HECW2: variants seen among roughly 807,000 people sequenced by gnomAD.
The protein encoded by HECW2 is E3 ubiquitin-protein ligase HECW2.
HECW2 carries 61 observed loss-of-function variants against 175.2 expected under a neutral mutation model. The ratio of observed to expected loss-of-function variants is 0.35; its 90% CI spans 0.28 to 0.43. The LOEUF (loss-of-function observed/expected upper bound fraction) is 0.43, where lower values mean the gene tolerates loss of function less well. Ranked by LOEUF, HECW2 falls within the 20% of genes least tolerant of loss-of-function variation. The pLI, the probability that HECW2 is intolerant of heterozygous loss-of-function variation, is 1.00. For missense variants in HECW2, 1,524 were observed against 2,000.5 expected (o/e 0.76, Z 4.54); for synonymous variants, 671 against 731.0 (o/e 0.92, Z 1.32).
intron 4 of HECW2, among the ~76,000 whole-genome samples, chr2:196,333,778 A>C (rs934534717): frequency 6.6e-6 from 1 of 152,352 alleles, no homozygotes; most frequent in Admixed American, 6.5e-5. Context: ...CTTTCTTTCA[A>C]AAGTCCAACA....
chr2:196,474,180 A>G (rs2125358053), intron 1 of HECW2, among the ~76,000 whole-genome samples: 1 of 152,394 alleles, frequency 6.6e-6, no homozygotes, highest in South Asian at 2.1e-4. Flanking sequence ...AATAGCATTC[A>G]TAATAAACAG....
intron 4 of HECW2, among the ~76,000 whole-genome samples, chr2:196,330,503 T>A (rs1455052316): frequency 3.3e-5 from 5 of 152,254 alleles, no homozygotes; most frequent in Non-Finnish European, 5.9e-5. Flanking sequence ...CAAACTTTAC[T>A]CAGGCTCTTT....
intron 2 of HECW2, among the ~76,000 whole-genome samples, chr2:196,398,142 A>G (rs78188714): frequency 1.3e-3 from 3 of 2,332 alleles, no homozygotes; most frequent in African/African-American, 1.6e-3. Context: ...GAGTTAGGGG[A>G]AAATGGCCTG....
intron 14 of HECW2, among the ~76,000 whole-genome samples, chr2:196,280,604 C>G (rs1405448502): frequency 6.6e-6 from 1 of 152,184 alleles, no homozygotes; most frequent in Non-Finnish European, 1.5e-5. Context: ...TTGTCATCAG[C>G]CTCACATCCT....
intron 3 of HECW2, among the ~76,000 whole-genome samples, chr2:196,334,795 A>G (rs1692490978): frequency 6.6e-6 from 1 of 152,246 alleles, no homozygotes; most frequent in Non-Finnish European, 1.5e-5. Flanking sequence ...ACTAGCTGGC[A>G]TTTATTGAGG....
At chr2:196,208,753 A>G (rs921882357) in intron 28 of HECW2, among the ~76,000 whole-genome samples, 1 of 152,186 alleles carries the variant, frequency 6.6e-6, no homozygotes, top group African/African-American at 2.4e-5. Context: ...GAATACACAG[A>G]AGGAGGCTGG....
intron 1 of HECW2, among the ~76,000 whole-genome samples, chr2:196,488,709 T>A (rs1687093649): frequency 6.6e-6 from 1 of 151,920 alleles, no homozygotes; most frequent in African/African-American, 2.4e-5. Context: ...AGGAATAAAA[T>A]TTATCCAAAA....
intron 2 of HECW2, among the ~76,000 whole-genome samples, chr2:196,394,966 T>G (rs758288756): frequency 4.6e-5 from 7 of 152,186 alleles, no homozygotes; most frequent in Non-Finnish European, 8.8e-5. Flanking sequence ...AGGGCCTGCT[T>G]CCTCATAAAT....
chr2:196,362,156 T>C (rs934810813), intron 2 of HECW2: 6 of 985,334 alleles, frequency 6.1e-6, no homozygotes, highest in Non-Finnish European at 7.2e-6. Context: ...TCAAGACTTA[T>C]CACTGTCCAG....
intron 1 of HECW2, among the ~76,000 whole-genome samples, chr2:196,511,096 G>C (rs1157874018): frequency 6.6e-6 from 1 of 152,158 alleles, no homozygotes; most frequent in African/African-American, 2.4e-5. Context: ...CTCCCAAGTA[G>C]CTGGGATTAC....
intron 1 of HECW2, among the ~76,000 whole-genome samples, chr2:196,576,475 C>CA (rs1195880374): frequency 2.0e-5 from 3 of 152,144 alleles, no homozygotes; most frequent in African/African-American, 7.2e-5. Context: ...ACAAGTACTG[C>CA]ATGATCTCAC....
Position 196,292,559 on chromosome 2 carries a change from T to C in HECW2, c.3000+6A>G, listed in dbSNP as rs751267848. On this transcript the variant is annotated splice_donor_region_variant and intron_variant, in intron 14 of 28. Transcript: ENST00000644978. ...GGCACTCCCTGAGGCATCTCCCTCG[T>C]GTTACCTTGCCCTGGTGATCATGTT... 1 of 1,609,724 alleles carries C rather than the reference T, an allele frequency of 6.2e-7. No individual in the cohort carries two copies. The highest frequency in any genetic ancestry group is 8.5e-7 in the Non-Finnish European group (1 of 1,177,086).
intron 1 of HECW2, among the ~76,000 whole-genome samples, chr2:196,531,717 C>T (rs897475385): frequency 3.3e-5 from 5 of 151,992 alleles, no homozygotes; most frequent in East Asian, 1.9e-4. Context: ...CTTTTACTTC[C>T]GAGCCTTTGC....
chr2:196,470,285 C>T (rs1368327546), intron 1 of HECW2, among the ~76,000 whole-genome samples: 2 of 151,396 alleles, frequency 1.3e-5, no homozygotes, highest in Non-Finnish European at 2.9e-5. Context: ...TGGAGCAAGA[C>T]CTTGTCTCCA....
At chr2:196,322,171 C>T (rs1474475502) in intron 7 of HECW2, among the ~76,000 whole-genome samples, 17 of 151,932 alleles carry the variant, frequency 1.1e-4, no homozygotes, top group Non-Finnish European at 2.4e-4. Context: ...AGAATTCTGC[C>T]CCAGGGAGAA....
intron 1 of HECW2, among the ~76,000 whole-genome samples, chr2:196,581,895 T>C (rs951720891): frequency 6.6e-6 from 1 of 151,874 alleles, no homozygotes; most frequent in African/African-American, 2.4e-5. Context: ...TGAAACCCTA[T>C]CTCTACTAAA....
intron 2 of HECW2, among the ~76,000 whole-genome samples, chr2:196,403,730 T>A (rs1010640494): frequency 6.6e-6 from 1 of 152,182 alleles, no homozygotes; most frequent in African/African-American, 2.4e-5. Context: ...ATAAGACCAG[T>A]CAGCCTAAGG....
At chr2:196,207,499 ATG>A (rs1457727091) in intron 28 of HECW2, among the ~76,000 whole-genome samples, 2 of 152,292 alleles carry the variant, frequency 1.3e-5, no homozygotes, top group East Asian at 3.9e-4. Context: ...GGGCACAAAT[ATG>A]TGTGTAACTT....
chr2:196,482,566 G>T (rs887057681), intron 1 of HECW2, among the ~76,000 whole-genome samples: 2 of 152,160 alleles, frequency 1.3e-5, no homozygotes, highest in African/African-American at 4.8e-5. Context: ...CCTGCTCCCA[G>T]ACTCCAACTA....
Sources: allele counts gnomAD v4.1 joint callset (sites outside exome capture counted in the v4.1 genomes callset), GRCh38; gene constraint gnomAD v4.1.1; transcripts MANE v1.5; gene names NCBI Gene and HGNC (gene_info 2026-07-23, HGNC 2026-07-21).